Variants in AGBL3 observed in about 807,000 individuals in gnomAD.
AGBL3 encodes AGBL carboxypeptidase 3.
A neutral mutation model predicts 94.5 loss-of-function variants in AGBL3; 68 were observed. The ratio of observed to expected loss-of-function variants is 0.72; its 90% CI spans 0.59 to 0.88. The LOEUF is 0.88. Among genes scored for constraint, AGBL3 ranks in the 40% least tolerant of loss-of-function variants. The pLI, the probability that AGBL3 is intolerant of heterozygous loss-of-function variation, is 0.00. For missense variants in AGBL3, 934 were observed against 1,103.8 expected, an observed-to-expected ratio of 0.85 and a Z score of 2.18; for synonymous variants, 354 against 370.7, an observed-to-expected ratio of 0.95 and a Z score of 0.52.
At chr7:135,035,782 G>C (rs1202892211) in intron 7 of AGBL3, among the ~76,000 whole-genome samples, 3 of 152,064 alleles carry the variant, frequency 2.0e-5, no homozygotes, top group Non-Finnish European at 2.9e-5. Flanking sequence ...CTTTTGACTT[G>C]CTTATAAGAA....
chr7:135,131,019 A>C (rs757883927), intron 16 of AGBL3, among the ~76,000 whole-genome samples: 11 of 152,164 alleles, frequency 7.2e-5, no homozygotes, highest in African/African-American at 1.2e-4. Flanking sequence ...AATTGCTTTT[A>C]ACTGTTTTAG....
At chr7:135,022,405 C>G (rs1814605005) in intron 5 of AGBL3, among the ~76,000 whole-genome samples, 1 of 152,110 alleles carries the variant, frequency 6.6e-6, no homozygotes, top group Admixed American at 6.5e-5. Flanking sequence ...ATTTGTATTT[C>G]TCTAATGACC....
chr7:135,116,733 T>G (rs1175624655), intron 16 of AGBL3, among the ~76,000 whole-genome samples: 1 of 152,220 alleles, frequency 6.6e-6, no homozygotes, highest in Non-Finnish European at 1.5e-5. Flanking sequence ...TGTAAGCCCC[T>G]CTGCCTCTGC....
intron 3 of AGBL3, 136 bp from the exon 4 acceptor site, chr7:134,993,357 C>T: frequency 1.5e-6 from 1 of 682,754 alleles, no homozygotes; most frequent in Non-Finnish European, 2.2e-6. Context: ...ATAAACAGTG[C>T]CATGAATTAT....
intron 15 of AGBL3, among the ~76,000 whole-genome samples, chr7:135,086,799 G>C (rs1821371609): frequency 6.6e-6 from 1 of 151,824 alleles, no homozygotes; most frequent in Non-Finnish European, 1.5e-5. Context: ...TAGGCCAATA[G>C]GTTTCTTTTG....
intron 2 of AGBL3, 57 bp from the exon 3 acceptor site, chr7:134,989,193 C>A: frequency 7.7e-7 from 1 of 1,292,888 alleles, no homozygotes; most frequent in Non-Finnish European, 1.1e-6. Flanking sequence ...TAAAAAAATT[C>A]TGGATTTGAA....
At chr7:135,023,924 A>C (rs4366014) in intron 5 of AGBL3, among the ~76,000 whole-genome samples, 63,257 of 152,130 alleles carry the variant, frequency 0.42, 13,620 homozygotes, top group South Asian at 0.53. Context: ...GCTCAACCCC[A>C]AGGGGCCAGA....
chr7:135,081,854 C>A (rs2116858434), intron 15 of AGBL3, 64 bp downstream of exon 15: 1 of 1,051,750 alleles, frequency 9.5e-7, no homozygotes, highest in South Asian at 2.1e-5. Flanking sequence ...TTATTTTTCT[C>A]TCTAGCTCTA....
intron 12 of AGBL3, among the ~76,000 whole-genome samples, chr7:135,062,395 A>G (rs10480857): frequency 0.95 from 145,260 of 152,164 alleles, 69,651 homozygotes; most frequent in Non-Finnish European, 1. Context: ...CTTCAGTACT[A>G]TGTTGAATAG....
At chr7:135,094,270 AT>A (rs1822310752) in intron 15 of AGBL3, 1 of 404,702 alleles carries the variant, frequency 2.5e-6, no homozygotes, top group African/African-American at 2.1e-5. Flanking sequence ...CAAACTAAAA[AT>A]CAGCAACTTA....
chr7:134,989,055 A>G (rs1478547055), intron 2 of AGBL3, among the ~76,000 whole-genome samples, 195 bp from the exon 3 acceptor site: 1 of 152,214 alleles, frequency 6.6e-6, no homozygotes, highest in African/African-American at 2.4e-5. Context: ...TGAAAGATGC[A>G]AACTTTAAGG....
At chr7:135,011,050 T>G (rs1352053566) in intron 4 of AGBL3, 1 of 152,120 alleles carries the variant, frequency 6.6e-6, no homozygotes, top group Non-Finnish European at 1.5e-5. Context: ...TCTTAAACCT[T>G]AATAAAGTTA....
chr7:135,109,776 C>T (rs144007910), intron 15 of AGBL3, among the ~76,000 whole-genome samples: 140 of 152,326 alleles, frequency 9.2e-4, no homozygotes, highest in African/African-American at 3.2e-3. Flanking sequence ...AGCTGCTGTG[C>T]TGCGCCAGGG....
At chr7:135,113,303 G>T (rs1438476088) in intron 15 of AGBL3, among the ~76,000 whole-genome samples, 4 of 152,000 alleles carry the variant, frequency 2.6e-5, no homozygotes, top group Non-Finnish European at 5.9e-5. Flanking sequence ...AACAAAAGTA[G>T]AAATAGAATA....
At chr7:135,013,395 GTTTA>G in intron 4 of AGBL3, among the ~76,000 whole-genome samples, 1 of 152,240 alleles carries the variant, frequency 6.6e-6, no homozygotes, top group South Asian at 2.1e-4. Flanking sequence ...CTGACCAGCA[GTTTA>G]TCTCTTAGGT....
rs1342078509 is a variant in AGBL3, at chr7:135,076,438, A to T, written c.1950A>T (p.Ile650=). Reference sequence around the variant, plus strand: ...CAAAGAAGGAAAGGAATTCTACCATAGCAAGCCACCAAAATGCCAGAGGAC... The same window carrying T: ...CAAAGAAGGAAAGGAATTCTACCATTGCAAGCCACCAAAATGCCAGAGGAC... ...LKTKKERNST[I]ASHQNARGQE... is the part of the protein sequence containing the mutation. The change falls in exon 13 of 17, where the codon ATA becomes ATT. Residue 650 remains isoleucine (I), a synonymous_variant. Coordinates refer to ENST00000436302, the MANE Select transcript of AGBL3 (RefSeq NM_178563.4). The T allele has an allele frequency of 6.5e-7, 1 of 1,549,448 alleles. No homozygotes were observed. Among genetic ancestry groups the T allele is most frequent in the Non-Finnish European group, 8.7e-7 (1 of 1,145,370 alleles).
intron 16 of AGBL3, chr7:135,128,771 T>G (rs981641886): frequency 8.7e-5 from 113 of 1,304,670 alleles, no homozygotes; most frequent in Non-Finnish European, 1.2e-4. Flanking sequence ...GAGCTAGATT[T>G]TGGAGGAACT....
chr7:135,095,437 G>C (rs1822520088), intron 15 of AGBL3, among the ~76,000 whole-genome samples: 1 of 152,120 alleles, frequency 6.6e-6, no homozygotes, highest in South Asian at 2.1e-4. Flanking sequence ...TATCCTAGAG[G>C]AATTCCAAGC....
intron 13 of AGBL3, among the ~76,000 whole-genome samples, chr7:135,077,051 C>A (rs75903632): frequency 0.016 from 2,478 of 152,288 alleles, 30 homozygotes; most frequent in Non-Finnish European, 0.022. Flanking sequence ...TACCCCCACC[C>A]GACTCTGCAG....
Sources: gnomAD v4.1 joint callset for allele counts (sites outside exome capture counted in the v4.1 genomes callset) on GRCh38, gnomAD v4.1.1 for gene constraint, MANE v1.5 for transcripts, NCBI Gene and HGNC (gene_info 2026-07-23, HGNC 2026-07-21) for gene names.